SLFN5: variants seen among roughly 807,000 people sequenced by gnomAD.
SLFN5 encodes the protein schlafen family member 5.
SLFN5 carries 34 observed loss-of-function variants against 48.5 expected under a neutral mutation model. The ratio of observed to expected loss-of-function variants is 0.70; its 90% CI spans 0.53 to 0.93. The LOEUF (loss-of-function observed/expected upper bound fraction) is 0.93. Among genes scored for constraint, SLFN5 ranks in the 40% least tolerant of loss-of-function variants. The probability of loss-of-function intolerance (pLI) is 0.00; values close to 1 mark genes in which losing one functional copy is unlikely to be tolerated. For synonymous variants in SLFN5, 387 were observed against 396.2 expected, an observed-to-expected ratio of 0.98 and a Z score of 0.28; for missense variants, 1,006 against 1,071.3, an observed-to-expected ratio of 0.94 and a Z score of 0.85.
At position 35,264,409 on chromosome 17, in the gene SLFN5, C is replaced by T; in HGVS notation, c.1365C>T (p.Ile455=). 3.1e-6 allele frequency: 5 copies of T among 1,614,198 alleles called. No homozygotes were observed. The highest frequency in any genetic ancestry group is 1.7e-5 in the Admixed American group (1 of 60,014). The part of the protein sequence containing the change: ...SQNNTPILYT[I]FSKWDAGCKG... The stretch of plus-strand genomic sequence containing the variant: ...ACAACACCCCTATTCTCTACACCAT[C>T]TTCAGCAAGTGGGATGCGGGGTGCA... Residue 455 remains isoleucine, a synonymous_variant, in exon 4 of 5, where the codon ATC becomes ATT. Coordinates refer to ENST00000299977, the MANE Select transcript of SLFN5 (RefSeq NM_144975.4).
In SLFN5 at chr17:35,267,301, A is replaced by C. The variant is rs1055636; in HGVS notation, c.*1413A>C. On this transcript the variant is annotated 3_prime_UTR_variant, in exon 5 of 5. Transcript: ENST00000299977. ...AATATGTAAAAGAATGTGCAAAATT[A>C]GTAAAAATATACCCAAAAATTTACC... 49,787 of 152,118 alleles carry C rather than the reference A, an allele frequency of 0.33. 10,021 individuals carry two copies. Among genetic ancestry groups the C allele is most frequent in the Middle Eastern group, 0.51 (149 of 292 alleles). The allele number at this position is 152,118 out of a possible 1,614,324, so 9.4% of individuals were successfully genotyped here. A position where few individuals can be genotyped will look rare whatever the true frequency, so the allele number is the denominator to read the frequency against.
In SLFN5 at chr17:35,259,336, G is replaced by A; in HGVS notation, c.646G>A (p.Val216Ile). 3 of 1,614,138 alleles carry A rather than the reference G, an allele frequency of 1.9e-6. No homozygotes were observed. The highest frequency in any genetic ancestry group is 2.5e-6 in the Non-Finnish European group (3 of 1,180,034). The change falls in exon 2 of 5, where the codon GTT becomes ATT. Residue 216 changes from valine (V) to isoleucine (I), a missense_variant. Val to Ile is a conservative substitution (Grantham distance 29). Transcript: ENST00000299977. ...TGTTAAAGACAGACTTCCGAAGTGT[G>A]TTTCTGCATTTGCAAATACTGAAGG... The part of the protein sequence containing the change: ...HCVKDRLPKC[V>I]SAFANTEGGY...
intron 1 of SLFN5, among the ~76,000 whole-genome samples, chr17:35,246,855 G>GA (rs35223656): frequency 0.16 from 21,987 of 133,502 alleles, 1,930 homozygotes; most frequent in African/African-American, 0.25. Flanking sequence ...CTCCATCTCA[G>GA]AAAAAAAAAA....
chr17:35,254,990 C>G (rs2092451043), intron 1 of SLFN5, among the ~76,000 whole-genome samples: 1 of 152,232 alleles, frequency 6.6e-6, no homozygotes, highest in Admixed American at 6.5e-5. Flanking sequence ...GCACTACAGC[C>G]TGGGCAATAG....
rs2092422508 is a variant in SLFN5 at position 35,243,089 on chromosome 17, G to A, written c.-95G>A. The A allele has an allele frequency of 6.6e-6, 1 of 152,290 alleles. No individual in the cohort carries two copies. The highest frequency in any genetic ancestry group is 1.5e-5 in the Non-Finnish European group (1 of 68,114). 9.4% of individuals were successfully genotyped at this position (152,290 alleles called of 1,614,324 possible). On this transcript the variant is annotated 5_prime_UTR_variant, in exon 1 of 5. Coordinates refer to ENST00000299977, the MANE Select transcript of SLFN5 (RefSeq NM_144975.4). ...GTCAGGTTCTCTGCTCTGGACTTGGGAGGCTCCGTTGCCTGCTCCCGGAGG... is the reference window on the plus strand; with the variant it reads ...GTCAGGTTCTCTGCTCTGGACTTGGAAGGCTCCGTTGCCTGCTCCCGGAGG...
chr17:35,265,604 A>G lies in SLFN5; in HGVS notation c.2392A>G (p.Ser798Gly). Residue 798 changes from serine (S) to glycine (G), a missense_variant, in exon 5 of 5, where the codon AGT becomes GGT. Ser to Gly is a moderately conservative substitution (Grantham distance 56, BLOSUM62 0). Coordinates refer to ENST00000299977, the MANE Select transcript of SLFN5 (RefSeq NM_144975.4). ...TATTGCTGTGCTTTTCACCAAAGCA[A>G]GTGAAGTGGAAAAATATAAAGACAG... is the stretch of plus-strand genomic sequence containing the variant. ...KDIAVLFTKA[S>G]EVEKYKDRLL... is the part of the protein sequence containing the mutation. 6.2e-7 allele frequency: 1 copy of G among 1,614,238 alleles called. No individual in the cohort carries two copies. Among genetic ancestry groups the G allele is most frequent in the Non-Finnish European group, 8.5e-7 (1 of 1,180,046 alleles).
At chr17:35,262,060 T>TATACCTG (rs1475551456) in intron 3 of SLFN5, among the ~76,000 whole-genome samples, 1 of 152,032 alleles carries the variant, frequency 6.6e-6, no homozygotes, top group African/African-American at 2.4e-5. Flanking sequence ...TTTACCATAA[T>TATACCTG]ATACCTGAGG....
In SLFN5 at chr17:35,270,120, C is replaced by T. The variant is rs1196647560; in HGVS notation, c.*4232C>T. The T allele has an allele frequency of 5.9e-5, 9 of 151,824 alleles. No individual in the cohort carries two copies. The highest frequency in any genetic ancestry group is 1.7e-4 in the African/African-American group (7 of 41,352). 9.4% of individuals were successfully genotyped at this position (151,824 alleles called of 1,614,324 possible). A position where few individuals can be genotyped will look rare whatever the true frequency, so the allele number is the denominator to read the frequency against. ...TTAAAATATTATGTATCATATCCTT[C>T]GATTTAACATAATTCTATCTAGCTG... On this transcript the variant is annotated 3_prime_UTR_variant, in exon 5 of 5. Coordinates refer to ENST00000299977, the MANE Select transcript of SLFN5 (RefSeq NM_144975.4).
Position 35,264,541 on chromosome 17 carries a change from T to G in SLFN5, c.1497T>G (p.Ser499=), listed in dbSNP as rs1456696936. 1 of 1,614,094 alleles carries G rather than the reference T, an allele frequency of 6.2e-7. No homozygotes were observed. Among genetic ancestry groups the G allele is most frequent in the Admixed American group, 1.7e-5 (1 of 60,006 alleles). The change falls in exon 4 of 5, where the codon TCT becomes TCG. Residue 499 remains serine, a synonymous_variant. Transcript: ENST00000299977. The stretch of plus-strand genomic sequence containing the variant: ...CCCCCTTGGTCTGTGTGCTGAATTC[T>G]GATAGAAAAGCACAGAGCGTTTACA... ...CITPLVCVLN[S]DRKAQSVYSS...
At chr17:35,263,138 TA>T (rs1755684121) in intron 3 of SLFN5, among the ~76,000 whole-genome samples, 1 of 152,104 alleles carries the variant, frequency 6.6e-6, no homozygotes, top group South Asian at 2.1e-4. Flanking sequence ...TTTATTTATT[TA>T]TTTTTTTTTG....
intron 1 of SLFN5, among the ~76,000 whole-genome samples, chr17:35,248,849 A>T (rs1476237563): frequency 6.6e-6 from 1 of 152,212 alleles, no homozygotes; most frequent in East Asian, 1.9e-4. Context: ...CAACTTGTAC[A>T]CATGTTGGTC....
intron 2 of SLFN5, among the ~76,000 whole-genome samples, chr17:35,260,176 G>T (rs1247268563): frequency 6.6e-6 from 1 of 151,954 alleles, no homozygotes; most frequent in East Asian, 1.9e-4. Context: ...ACCAAAATAT[G>T]ACCAAATCAC....
chr17:35,247,090 G>T (rs942645067), intron 1 of SLFN5, among the ~76,000 whole-genome samples: 6 of 152,094 alleles, frequency 3.9e-5, no homozygotes, highest in Non-Finnish European at 7.4e-5. Context: ...GACTGGTAGT[G>T]GTCAGGACCT....
rs762537432 is a variant in SLFN5 at position 35,271,054 on chromosome 17, G to C, written c.*5166G>C. 1 of 152,158 alleles carries C rather than the reference G, an allele frequency of 6.6e-6. No individual in the cohort carries two copies. The highest frequency in any genetic ancestry group is 2.4e-5 in the African/African-American group (1 of 41,420). The allele number at this position is 152,158 out of a possible 1,614,324, so 9.4% of individuals were successfully genotyped here. ...AACTATTTCACTAGCAAGGGTAGAC[G>C]TAAGCAGAATACAGGTAGCATATTC... On this transcript the variant is annotated 3_prime_UTR_variant, in exon 5 of 5. Transcript: ENST00000299977.
At chr17:35,246,781 A>G (rs1172183931) in intron 1 of SLFN5, among the ~76,000 whole-genome samples, 1 of 151,694 alleles carries the variant, frequency 6.6e-6, no homozygotes. Context: ...CTTGAACCCA[A>G]GGGGTGGAGG....
chr17:35,247,297 C>T (rs1258117169), intron 1 of SLFN5, among the ~76,000 whole-genome samples: 2 of 152,220 alleles, frequency 1.3e-5, no homozygotes, highest in Non-Finnish European at 2.9e-5. Flanking sequence ...AATCTTTCCC[C>T]TGCCTGTCTA....
chr17:35,265,356 CAGGT>C lies in SLFN5; in HGVS notation c.2145_2148del (p.Gly716GlnfsTer2). The C allele has an allele frequency of 6.2e-7, 1 of 1,614,162 alleles. No homozygotes were observed. Among genetic ancestry groups the C allele is most frequent in the Non-Finnish European group, 8.5e-7 (1 of 1,180,028 alleles). ...GAGATCAACAGAGTGGTCCGCAATG[CAGGT>C]CCAATAGCTAATTACCTACAACAAG... On this transcript the variant is annotated frameshift_variant, in exon 5 of 5. Transcript: ENST00000299977. LOFTEE classifies it low-confidence loss of function (END_TRUNC).
chr17:35,264,635 C>T lies in SLFN5; in HGVS notation c.1591C>T (p.Gln531Ter). 1.2e-6 allele frequency: 2 copies of T among 1,614,222 alleles called. No homozygotes were observed. Among genetic ancestry groups the T allele is most frequent in the Non-Finnish European group, 1.7e-6 (2 of 1,180,048 alleles). The change falls in exon 4 of 5, where the codon CAG (glutamine) becomes TAG (stop). Residue 531 changes from glutamine (Q) to a stop codon, truncating the protein, a stop_gained. Coordinates refer to ENST00000299977, the MANE Select transcript of SLFN5 (RefSeq NM_144975.4). LOFTEE classifies it high-confidence loss of function. ...CCCCCAGCACATGGAAGCCCTGTTA[C>T]AGTCCCTCGTGATAGTCTTGCTTGG... The part of the protein sequence containing the change: ...MTPQHMEALL[Q>*]SLVIVLLGFK...
intron 3 of SLFN5, 127 bp downstream of exon 3, chr17:35,261,223 C>A: frequency 9.1e-7 from 1 of 1,095,506 alleles, no homozygotes; most frequent in South Asian, 2.3e-5. Flanking sequence ...GAAAGCCAAA[C>A]CTTTAAAACT....
Sources: gnomAD v4.1 joint callset for allele counts (sites outside exome capture counted in the v4.1 genomes callset) on GRCh38, gnomAD v4.1.1 for gene constraint, MANE v1.5 for transcripts, NCBI Gene and HGNC (gene_info 2026-07-23, HGNC 2026-07-21) for gene names.